Variants in HERC3 observed in about 807,000 individuals in gnomAD.
HERC3 encodes the protein HECT and RLD domain containing E3 ubiquitin protein ligase 3.
Under a neutral mutation model 129.9 loss-of-function variants are expected in HERC3, and 58 were observed. The observed-to-expected ratio is 0.45, with a 90% CI of 0.36 to 0.56. The LOEUF is 0.56. HERC3 is among the 20% of genes least tolerant of loss of function. The probability of loss-of-function intolerance (pLI) is 0.00; values close to 1 mark genes in which losing one functional copy is unlikely to be tolerated. For missense variants in HERC3, 835 were observed against 1,244.2 expected (o/e 0.67, Z 4.95); for synonymous variants, 430 against 451.0 (o/e 0.95, Z 0.59).
At chr4:88,632,957 A>T (rs533360679) in intron 3 of HERC3, among the ~76,000 whole-genome samples, 58 of 152,322 alleles carry the variant, frequency 3.8e-4, no homozygotes, top group Middle Eastern at 6.8e-3. Flanking sequence ...AAACTTCTAA[A>T]AATTAAGGCA....
the HERC3 span, among the ~76,000 whole-genome samples, chr4:88,568,515 C>T: frequency 1.3e-5 from 2 of 152,122 alleles, no homozygotes; most frequent in Non-Finnish European, 2.9e-5. Flanking sequence ...TCTCACTCTT[C>T]TTTTTTCTTT....
the HERC3 span, among the ~76,000 whole-genome samples, chr4:88,575,084 G>A: frequency 6.6e-6 from 1 of 152,112 alleles, no homozygotes; most frequent in South Asian, 2.1e-4. Flanking sequence ...CTGAGTCTGA[G>A]GTCTCCTTTA....
chr4:88,528,629 C>T, the HERC3 span, among the ~76,000 whole-genome samples: 2 of 152,118 alleles, frequency 1.3e-5, no homozygotes, highest in Admixed American at 1.3e-4. Flanking sequence ...TTGTCACAAC[C>T]CTGTTTCTCT....
chr4:88,690,666 C>T, intron 23 of HERC3: 1 of 913,262 alleles, frequency 1.1e-6, no homozygotes, highest in Non-Finnish European at 1.3e-6. Context: ...GAGGCAGTGG[C>T]CAGAACTGCC....
At chr4:88,641,584 A>G (rs1316649050) in intron 3 of HERC3, among the ~76,000 whole-genome samples, 1 of 152,200 alleles carries the variant, frequency 6.6e-6, no homozygotes, top group Non-Finnish European at 1.5e-5. Flanking sequence ...AACAAAAGAA[A>G]ACATAAGTTC....
chr4:88,669,743 A>G (rs1731415748), intron 14 of HERC3, 117 bp from the exon 15 acceptor site: 1 of 809,964 alleles, frequency 1.2e-6, no homozygotes, highest in South Asian at 2.2e-5. Context: ...TTTTGGGAAA[A>G]TGTATTTTAG....
intron 3 of HERC3, among the ~76,000 whole-genome samples, chr4:88,635,018 C>A (rs897738570): frequency 6.6e-6 from 1 of 151,998 alleles, no homozygotes; most frequent in Admixed American, 6.5e-5. Flanking sequence ...GCTCAAAGAT[C>A]GAAACTAGAC....
intron 3 of HERC3, among the ~76,000 whole-genome samples, chr4:88,619,678 T>C (rs1253035114): frequency 6.6e-6 from 1 of 152,218 alleles, no homozygotes; most frequent in East Asian, 1.9e-4. Context: ...AGGTGAGTGA[T>C]AGACTGGGAG....
At chr4:88,558,952 AG>A in the HERC3 span, among the ~76,000 whole-genome samples, 1 of 144,430 alleles carries the variant, frequency 6.9e-6, no homozygotes, top group Non-Finnish European at 1.5e-5. Context: ...TGGGCAACAG[AG>A]CGAGACTCTG....
chr4:88,536,352 AC>A, the HERC3 span, among the ~76,000 whole-genome samples: 1 of 152,148 alleles, frequency 6.6e-6, no homozygotes, highest in East Asian at 1.9e-4. Context: ...CAATTCAAAC[AC>A]AGACACTTTT....
At chr4:88,563,312 A>G in the HERC3 span, among the ~76,000 whole-genome samples, 1 of 152,192 alleles carries the variant, frequency 6.6e-6, no homozygotes, top group South Asian at 2.1e-4. Flanking sequence ...CTGTTGGCAT[A>G]TATAATAGAA....
intron 3 of HERC3, among the ~76,000 whole-genome samples, chr4:88,637,626 A>G (rs1377935026): frequency 1.3e-5 from 2 of 152,190 alleles, no homozygotes; most frequent in Non-Finnish European, 2.9e-5. Context: ...ATAGCACTAA[A>G]TGCCCATATC....
upstream of HERC3, chr4:88,592,412 C>T (rs1233539453): frequency 6.6e-6 from 1 of 152,346 alleles, no homozygotes; most frequent in Admixed American, 6.5e-5. Flanking sequence ...CAGAACGGCG[C>T]CCATTGGCCC....
intron 11 of HERC3, among the ~76,000 whole-genome samples, chr4:88,663,740 A>G (rs1195607575): frequency 6.6e-6 from 1 of 152,236 alleles, no homozygotes; most frequent in East Asian, 1.9e-4. Flanking sequence ...GCAGCAAAAT[A>G]GAAGTAATTT....
chr4:88,595,367 G>C (rs1460051709), intron 1 of HERC3, among the ~76,000 whole-genome samples, 190 bp from the exon 2 acceptor site: 1 of 151,978 alleles, frequency 6.6e-6, no homozygotes, highest in East Asian at 1.9e-4. Context: ...TTTATAACTG[G>C]TTAGAGGTTA....
At chr4:88,567,845 T>C in the HERC3 span, among the ~76,000 whole-genome samples, 1 of 152,246 alleles carries the variant, frequency 6.6e-6, no homozygotes, top group African/African-American at 2.4e-5. Context: ...ATGGTCTTGA[T>C]ACTTGTTGAT....
intron 19 of HERC3, among the ~76,000 whole-genome samples, chr4:88,679,357 C>T (rs547750076): frequency 8.5e-5 from 13 of 152,226 alleles, no homozygotes; most frequent in Non-Finnish European, 1.9e-4. Flanking sequence ...CCCTATTGAG[C>T]GTGATTTCTC....
chr4:88,599,123 C>G (rs1722714730), intron 2 of HERC3, among the ~76,000 whole-genome samples: 1 of 152,206 alleles, frequency 6.6e-6, no homozygotes, highest in Non-Finnish European at 1.5e-5. Flanking sequence ...GTTGCTGAAA[C>G]TAGACCTTTA....
chr4:88,531,011 A>T, the HERC3 span, among the ~76,000 whole-genome samples: 1 of 151,722 alleles, frequency 6.6e-6, no homozygotes, highest in African/African-American at 2.4e-5. Context: ...CCACCACATC[A>T]CGCCTGGCTA....
Sources: allele counts gnomAD v4.1 joint callset (sites outside exome capture counted in the v4.1 genomes callset), GRCh38; gene constraint gnomAD v4.1.1; transcripts MANE v1.5; gene names NCBI Gene and HGNC (gene_info 2026-07-23, HGNC 2026-07-21).